The following SLC9A4 variants were observed in gnomAD, a reference collection of about 807,000 sequenced individuals.
SLC9A4 encodes the protein solute carrier family 9 member A4, also known as sodium/hydrogen exchanger 4.
Under a neutral mutation model 67.4 loss-of-function variants are expected in SLC9A4, and 63 were observed. The observed-to-expected ratio is 0.93, with a 90% CI of 0.76 to 1.15. SLC9A4 has a LOEUF of 1.15. SLC9A4 is among the 50% of genes most tolerant of loss of function. The pLI is 0.00. For missense variants in SLC9A4, 1,089 were observed against 987.7 expected, an observed-to-expected ratio of 1.10 and a Z score of -1.38; for synonymous variants, 393 against 367.2, an observed-to-expected ratio of 1.07 and a Z score of -0.80.
At chr2:102,491,264 T>C (rs191989954) in intron 2 of SLC9A4, among the ~76,000 whole-genome samples, 1 of 145,460 alleles carries the variant, frequency 6.9e-6, no homozygotes, top group Non-Finnish European at 1.5e-5. Flanking sequence ...TTGCTCACAC[T>C]CTGCTGCTTT....
At chr2:102,480,076 A>G (rs1304871260) in intron 2 of SLC9A4, among the ~76,000 whole-genome samples, 1 of 152,218 alleles carries the variant, frequency 6.6e-6, no homozygotes, top group Non-Finnish European at 1.5e-5. Context: ...TTAAATTTCT[A>G]TCACAGCACA....
chr2:102,507,369 T>C (rs985115359), intron 4 of SLC9A4, among the ~76,000 whole-genome samples: 2 of 152,220 alleles, frequency 1.3e-5, no homozygotes, highest in Non-Finnish European at 2.9e-5. Flanking sequence ...TGAGGACCTT[T>C]CCTAGCAGGC....
chr2:102,512,128 A>T, intron 6 of SLC9A4, 75 bp from the exon 7 acceptor site: 1 of 1,503,388 alleles, frequency 6.7e-7, no homozygotes, highest in Non-Finnish European at 9.1e-7. Context: ...TGTTTTTTAA[A>T]GTGTCTTAGT....
intron 2 of SLC9A4, among the ~76,000 whole-genome samples, chr2:102,481,961 C>T (rs1292091976): frequency 6.6e-6 from 1 of 151,992 alleles, no homozygotes; most frequent in African/African-American, 2.4e-5. Flanking sequence ...GAAAAATAAT[C>T]TGTGCCATAC....
chr2:102,531,416 A>C (rs1477736507), intron 11 of SLC9A4, among the ~76,000 whole-genome samples: 3 of 152,184 alleles, frequency 2.0e-5, no homozygotes, highest in African/African-American at 7.2e-5. Flanking sequence ...AAGAGAATCC[A>C]AGAGGGGACA....
At chr2:102,509,327 A>C (rs1685112623) in intron 6 of SLC9A4, among the ~76,000 whole-genome samples, 1 of 152,130 alleles carries the variant, frequency 6.6e-6, no homozygotes. Context: ...CCTCTTCCAC[A>C]CTGAAGGAGC....
intron 10 of SLC9A4, 25 bp from the exon 11 acceptor site, chr2:102,526,234 T>G (rs1409786124): frequency 5.6e-6 from 9 of 1,610,220 alleles, no homozygotes; most frequent in Non-Finnish European, 7.6e-6. Flanking sequence ...TTATTCTGCT[T>G]TTTCTTTCTA....
Position 102,498,221 on chromosome 2 carries a change from G to C in SLC9A4, c.721-5227G>C, listed in dbSNP as rs542119091. 3.3e-5 allele frequency among the ~76,000 whole-genome samples: 5 copies of C among 152,302 alleles called. No homozygotes were observed. The East Asian group carries it at 9.6e-4, about 29-fold the overall frequency. On this transcript the variant is annotated intron_variant, in intron 2 of 11. Coordinates refer to ENST00000295269, the MANE Select transcript of SLC9A4 (RefSeq NM_001011552.4). ...GCAACTATAATGTTACCCAGAGCCT[G>C]GTAATTTGAAAGGTAAGAACTGTTT...
At chr2:102,518,737 G>T (rs926329484) in intron 8 of SLC9A4, among the ~76,000 whole-genome samples, 1 of 152,034 alleles carries the variant, frequency 6.6e-6, no homozygotes, top group African/African-American at 2.4e-5. Context: ...TACTTAAAAG[G>T]TGGCCTGTAT....
intron 1 of SLC9A4, among the ~76,000 whole-genome samples, chr2:102,475,982 G>C (rs1468790): frequency 0.53 from 79,916 of 151,988 alleles, 21,616 homozygotes; most frequent in Non-Finnish European, 0.56. Flanking sequence ...ATTCCATCAA[G>C]GTACATTTTC....
In SLC9A4 at chr2:102,532,499, C is replaced by G; in HGVS notation, c.2208C>G (p.Tyr736Ter). The change falls in exon 12 of 12, where the codon TAC becomes TAG. Residue 736 changes from tyrosine (Y) to a stop codon, truncating the protein, a stop_gained. Coordinates refer to ENST00000295269, the MANE Select transcript of SLC9A4 (RefSeq NM_001011552.4). LOFTEE classifies it low-confidence loss of function (END_TRUNC). ...AAAGAAACACAAGCCAAGAAGAGTA[C>G]TTGGGTGGAGTAAGGAGGGTGGCCT... ...GYQRNTSQEEYLGGVRRVALR... is the reference protein window; with the variant it reads ...GYQRNTSQEE 6.2e-7 allele frequency: 1 copy of G among 1,614,132 alleles called. No homozygotes were observed. The highest frequency in any genetic ancestry group is 8.5e-7 in the Non-Finnish European group (1 of 1,180,022).
intron 2 of SLC9A4, among the ~76,000 whole-genome samples, chr2:102,486,476 G>A (rs1684591578): frequency 6.6e-6 from 1 of 152,214 alleles, no homozygotes; most frequent in Admixed American, 6.5e-5. Context: ...AAGAAGAGCT[G>A]TATGTGCACT....
At chr2:102,496,774 C>T (rs1360178644) in intron 2 of SLC9A4, among the ~76,000 whole-genome samples, 5 of 152,202 alleles carry the variant, frequency 3.3e-5, no homozygotes, top group Admixed American at 3.3e-4. Flanking sequence ...ATAGTATGTG[C>T]TTTTACAAAA....
chr2:102,520,735 C>A (rs550887270), intron 9 of SLC9A4, among the ~76,000 whole-genome samples: 102 of 152,270 alleles, frequency 6.7e-4, no homozygotes, highest in Non-Finnish European at 1.3e-3. Context: ...ATCACCTAGG[C>A]AAAGCTCCCC....
intron 9 of SLC9A4, among the ~76,000 whole-genome samples, chr2:102,522,616 T>C (rs1330627011): frequency 1.3e-5 from 2 of 151,892 alleles, no homozygotes; most frequent in Non-Finnish European, 1.5e-5. Context: ...TATACAAACA[T>C]GCACACACAC....
Position 102,514,109 on chromosome 2 carries a change from A to G in SLC9A4, c.1579A>G (p.Arg527Gly). ...VRDKFKKFDH[R>G]YLRKILIRKN... ...TTTTAGGTTTAAGAAGTTTGATCAT[A>G]GATACTTACGGAAAATCCTCATCAG... Residue 527 changes from arginine to glycine, a missense_variant, in exon 8 of 12, where the codon AGA becomes GGA. Transcript: ENST00000295269. 6.2e-7 allele frequency: 1 copy of G among 1,613,464 alleles called. No individual in the cohort carries two copies. Among genetic ancestry groups the G allele is most frequent in the Non-Finnish European group, 8.5e-7 (1 of 1,179,816 alleles).
At chr2:102,505,231 C>G (rs563937968) in intron 3 of SLC9A4, 23 bp from the exon 4 acceptor site, 1 of 1,606,770 alleles carries the variant, frequency 6.2e-7, no homozygotes, top group Non-Finnish European at 8.5e-7. Context: ...TGGATTTTCT[C>G]TGAGACTCTG....
rs537436615 is a variant in SLC9A4 at position 102,473,878 on chromosome 2, A to G, written c.119A>G (p.Tyr40Cys). Residue 40 changes from tyrosine (Y) to cysteine (C), a missense_variant, in exon 1 of 12, where the codon TAT becomes TGT. Tyr to Cys is a radical substitution (Grantham distance 194). Transcript: ENST00000295269. ...LNESANSTAQ[Y>C]ASNAWFAAAS... is the part of the protein sequence containing the mutation. ...GAATCTGCAAATTCCACTGCTCAGT[A>G]TGCATCTAACGCTTGGTTTGCTGCT... 4 of 1,614,146 alleles carry G rather than the reference A, an allele frequency of 2.5e-6. No individual in the cohort carries two copies. The highest frequency in any genetic ancestry group is 2.2e-5 in the East Asian group (1 of 44,880).
intron 2 of SLC9A4, 153 bp from the exon 3 acceptor site, chr2:102,503,295 G>C (rs1047384583): frequency 1.4e-5 from 10 of 727,932 alleles, no homozygotes; most frequent in Admixed American, 3.1e-5. Flanking sequence ...TAAATTATTG[G>C]GAATACAGTT....
Sources: allele counts gnomAD v4.1 joint callset (sites outside exome capture counted in the v4.1 genomes callset), GRCh38; gene constraint gnomAD v4.1.1; transcripts MANE v1.5; gene names NCBI Gene and HGNC (gene_info 2026-07-23, HGNC 2026-07-21).